The following NLN variants were observed in gnomAD, a reference collection of about 807,000 sequenced individuals.
NLN encodes the protein neurolysin.
NLN carries 64 observed loss-of-function variants against 79.9 expected under a neutral mutation model. The observed-to-expected ratio is 0.80, with a 90% CI of 0.65 to 0.99. The LOEUF (loss-of-function observed/expected upper bound fraction) is 0.99, where lower values mean the gene tolerates loss of function less well. NLN is among the 50% of genes least tolerant of loss of function. NLN has a pLI of 0.00. For synonymous variants in NLN, 267 were observed against 296.6 expected (o/e 0.90, Z 1.02); for missense variants, 835 against 858.7 (o/e 0.97, Z 0.34).
intron 8 of NLN, among the ~76,000 whole-genome samples, chr5:65,791,732 A>T (rs986888050): frequency 2.0e-5 from 3 of 152,118 alleles, no homozygotes; most frequent in Non-Finnish European, 4.4e-5. Flanking sequence ...CAAAAAAAAA[A>T]AAATAAAAAG....
rs7736570 is a variant in NLN at position 65,780,133 on chromosome 5, A to C, written c.559-46A>C. The C allele has an allele frequency of 1.8e-3, 1,452 of 812,438 alleles. 8 individuals carry two copies. The African/African-American group carries it at 0.022, about 13-fold the overall frequency. The allele number at this position is 812,438 out of a possible 1,614,324, so 50.3% of individuals were successfully genotyped here. ...GGGCCACCGTGCCTGGCAAAAAATG[A>C]GTTTCTTTTTATTGCTAATGCCCTG... On this transcript the variant is annotated intron_variant, in intron 4 of 12. Transcript: ENST00000380985.
chr5:65,781,983 C>T (rs1347702613), intron 6 of NLN, among the ~76,000 whole-genome samples: 4 of 152,200 alleles, frequency 2.6e-5, no homozygotes, highest in East Asian at 3.9e-4. Context: ...CACCCTCCCC[C>T]AACACTCCCA....
Position 65,764,351 on chromosome 5 carries a change from A to G in NLN, c.450+1243A>G, listed in dbSNP as rs572181722. 5.2e-4 allele frequency among the ~76,000 whole-genome samples: 79 copies of G among 152,006 alleles called. 3 individuals carry two copies. In the South Asian group the frequency reaches 0.016, roughly 31 times the overall value. On this transcript the variant is annotated intron_variant, in intron 3 of 12. Coordinates refer to ENST00000380985, the MANE Select transcript of NLN (RefSeq NM_020726.5). The stretch of plus-strand genomic sequence containing the variant: ...AGACCAGCCTGGCCAACATGGTGAA[A>G]CTCCATTTCTACTAAAAATACAAAA...
intron 8 of NLN, among the ~76,000 whole-genome samples, chr5:65,791,356 G>A (rs1201864117): frequency 4.6e-5 from 7 of 152,122 alleles, no homozygotes; most frequent in South Asian, 2.1e-4. Flanking sequence ...TCAGGAGTTT[G>A]AGACCAGCTT....
At chr5:65,735,395 G>A (rs1168585231) in intron 1 of NLN, among the ~76,000 whole-genome samples, 1 of 152,114 alleles carries the variant, frequency 6.6e-6, no homozygotes, top group Non-Finnish European at 1.5e-5. Context: ...CTAAATTGAC[G>A]GAATTCCCCT....
chr5:65,758,723 G>A lies in NLN; in HGVS notation c.198G>A (p.Val66=). The part of the protein sequence containing the change: ...QIKTRTEELI[V]QTKQVYDAVG... ...AAACAAGAACTGAGGAGCTCATTGT[G>A]CAGACCAAACAGGTGTACGATGCTG... Residue 66 remains valine, a synonymous_variant, in exon 2 of 13, where the codon GTG becomes GTA. Transcript: ENST00000380985. The A allele has an allele frequency of 2.5e-6, 4 of 1,613,790 alleles. No homozygotes were observed. Among genetic ancestry groups the A allele is most frequent in the Non-Finnish European group, 3.4e-6 (4 of 1,179,796 alleles).
chr5:65,822,339 A>T (rs1015665023), intron 12 of NLN, among the ~76,000 whole-genome samples: 21 of 152,204 alleles, frequency 1.4e-4, no homozygotes, highest in African/African-American at 5.1e-4. Flanking sequence ...GAATGAGCCC[A>T]TCATAAAAGC....
intron 12 of NLN, among the ~76,000 whole-genome samples, chr5:65,813,529 G>C (rs753262699): frequency 3.9e-5 from 6 of 152,062 alleles, no homozygotes; most frequent in Non-Finnish European, 7.4e-5. Context: ...CTGGACCCCA[G>C]TGTTCTCTGT....
chr5:65,737,995 G>A (rs1281954234), intron 1 of NLN, among the ~76,000 whole-genome samples: 3 of 152,044 alleles, frequency 2.0e-5, no homozygotes, highest in South Asian at 2.1e-4. Context: ...GGGCGTGGTA[G>A]CATGTGCCTG....
At chr5:65,780,492 A>C (rs1489120542) in intron 5 of NLN, among the ~76,000 whole-genome samples, 1 of 152,016 alleles carries the variant, frequency 6.6e-6, no homozygotes, top group African/African-American at 2.4e-5. Flanking sequence ...GGGTATATAA[A>C]ATTTCTAGAG....
At chr5:65,791,153 G>A (rs1004483676) in intron 8 of NLN, among the ~76,000 whole-genome samples, 10 of 152,202 alleles carry the variant, frequency 6.6e-5, no homozygotes, top group Admixed American at 5.2e-4. Flanking sequence ...TACTGTCTGG[G>A]TGCAGTGGCT....
chr5:65,747,033 A>G (rs370349997), intron 1 of NLN, among the ~76,000 whole-genome samples: 87 of 150,644 alleles, frequency 5.8e-4, no homozygotes, highest in African/African-American at 2.0e-3. Context: ...GATTTTGCTG[A>G]GAGAGATGAT....
chr5:65,819,546 ATCT>A (rs1760748540), intron 12 of NLN, among the ~76,000 whole-genome samples: 1 of 152,220 alleles, frequency 6.6e-6, no homozygotes, highest in Non-Finnish European at 1.5e-5. Context: ...ATACATGCTA[ATCT>A]TCTAGGATTA....
intron 9 of NLN, among the ~76,000 whole-genome samples, chr5:65,803,855 C>T (rs1021032807): frequency 5.9e-5 from 9 of 152,200 alleles, no homozygotes; most frequent in East Asian, 3.9e-4. Flanking sequence ...CTCCATGGAG[C>T]GCACAGCCCC....
chr5:65,806,340 C>G (rs1453590127), intron 9 of NLN, among the ~76,000 whole-genome samples: 2 of 152,206 alleles, frequency 1.3e-5, no homozygotes, highest in Non-Finnish European at 2.9e-5. Context: ...TGACAACCTT[C>G]TGGAAAGGAT....
intron 9 of NLN, among the ~76,000 whole-genome samples, chr5:65,801,361 G>A (rs1760282561): frequency 6.6e-6 from 1 of 152,196 alleles, no homozygotes; most frequent in African/African-American, 2.4e-5. Flanking sequence ...TAATGGTTCA[G>A]CACCCATGCT....
In NLN at chr5:65,760,691, T is replaced by C. The variant is rs1759317901; in HGVS notation, c.301+1865T>C. Reference sequence around the variant, plus strand: ...CCATGCCCAGCTAATTTTTACATTTTGTGTGGAGATGGGATCTCACTATGT... The same window carrying C: ...CCATGCCCAGCTAATTTTTACATTTCGTGTGGAGATGGGATCTCACTATGT... On this transcript the variant is annotated intron_variant, in intron 2 of 12. Coordinates refer to ENST00000380985, the MANE Select transcript of NLN (RefSeq NM_020726.5). 1.3e-5 allele frequency among the ~76,000 whole-genome samples: 2 copies of C among 152,184 alleles called. 1 individual carries two copies. The highest frequency in any genetic ancestry group is 4.1e-4 in the South Asian group (2 of 4,830).
At position 65,826,708 on chromosome 5, in the gene NLN, C is replaced by G. The variant is rs1002845448; in HGVS notation, c.*3793C>G. ...TCCTTTGTGCTCAAGAGTTTGAGACCAGCCTGAGCAACACAGTGAGACCCT... is the reference window on the plus strand; with the variant it reads ...TCCTTTGTGCTCAAGAGTTTGAGACGAGCCTGAGCAACACAGTGAGACCCT... On this transcript the variant is annotated 3_prime_UTR_variant, in exon 13 of 13. Transcript: ENST00000380985. The G allele has an allele frequency of 1.3e-5, 2 of 152,108 alleles. No homozygotes were observed. Among genetic ancestry groups the G allele is most frequent in the African/African-American group, 2.4e-5 (1 of 41,374 alleles). The allele number at this position is 152,108 out of a possible 1,614,324, so 9.4% of individuals were successfully genotyped here.
intron 6 of NLN, among the ~76,000 whole-genome samples, chr5:65,785,276 C>T (rs983984563): frequency 6.6e-6 from 1 of 152,202 alleles, no homozygotes. Flanking sequence ...TTTACATTCT[C>T]ATCAGCAATG....
Sources: allele counts gnomAD v4.1 joint callset (sites outside exome capture counted in the v4.1 genomes callset), GRCh38; gene constraint gnomAD v4.1.1; transcripts MANE v1.5; gene names NCBI Gene and HGNC (gene_info 2026-07-23, HGNC 2026-07-21).